HPSE2: variants seen among roughly 807,000 people sequenced by gnomAD.
HPSE2 encodes the protein inactive heparanase-2.
HPSE2 carries 38 observed loss-of-function variants against 60.5 expected under a neutral mutation model. The ratio of observed to expected loss-of-function variants is 0.63; its 90% CI spans 0.48 to 0.82. HPSE2 has a LOEUF of 0.82. HPSE2 is among the 40% of genes least tolerant of loss of function. HPSE2 has a pLI of 0.00. For missense variants in HPSE2, 713 were observed against 740.4 expected (o/e 0.96, Z 0.43); for synonymous variants, 295 against 293.2 (o/e 1.01, Z -0.06).
chr10:99,288,365 C>A, the HPSE2 span, among the ~76,000 whole-genome samples: 1 of 152,158 alleles, frequency 6.6e-6, no homozygotes, highest in Non-Finnish European at 1.5e-5. Context: ...GTACATGATA[C>A]AAAAGACTTC....
At chr10:99,207,593 A>T (rs1444989971) in intron 2 of HPSE2, among the ~76,000 whole-genome samples, 1 of 152,196 alleles carries the variant, frequency 6.6e-6, no homozygotes, top group African/African-American at 2.4e-5. Context: ...TAATAAAGGA[A>T]CCTTAACAAT....
At chr10:98,842,404 C>T (rs964374568) in intron 3 of HPSE2, among the ~76,000 whole-genome samples, 12 of 152,142 alleles carry the variant, frequency 7.9e-5, no homozygotes, top group African/African-American at 2.9e-4. Flanking sequence ...GGGGCAGCAT[C>T]CAGTTGGTTG....
In HPSE2 at chr10:98,601,185, T is replaced by C. The variant is rs150799516; in HGVS notation, c.1320+13719A>G. ...TTCTCTATCAAGGTCTTCAACTGAT[T>C]GGATGAAGCCCATCCACATTATGGA... On this transcript the variant is annotated intron_variant, in intron 9 of 11. Coordinates refer to ENST00000370552, the MANE Select transcript of HPSE2 (RefSeq NM_021828.5). Among the ~76,000 whole-genome samples the C allele has an allele frequency of 2.4e-3, 372 of 152,104 alleles. 1 individual carries two copies. The highest frequency in any genetic ancestry group is 8.6e-3 in the African/African-American group (358 of 41,510).
chr10:98,955,733 A>G (rs1277251188), intron 3 of HPSE2, among the ~76,000 whole-genome samples: 3 of 152,204 alleles, frequency 2.0e-5, no homozygotes, highest in Non-Finnish European at 4.4e-5. Flanking sequence ...TAGACTGCAT[A>G]AAGAAAATGT....
intron 3 of HPSE2, among the ~76,000 whole-genome samples, chr10:98,907,973 G>C (rs1320562858): frequency 6.6e-6 from 1 of 152,070 alleles, no homozygotes; most frequent in African/African-American, 2.4e-5. Flanking sequence ...TGAATAAAAA[G>C]TTACCCTAAA....
At chr10:99,122,301 G>A (rs1844984688) in intron 3 of HPSE2, among the ~76,000 whole-genome samples, 1 of 151,958 alleles carries the variant, frequency 6.6e-6, no homozygotes, top group South Asian at 2.1e-4. Context: ...TTTAAATCAT[G>A]TGAAAAGCAG....
rs1953942247 is a variant in HPSE2, at chr10:98,910,211, T to C, written c.611-166155A>G. ...AGACTGACAGTTGTGAGGGAGGGGC[T>C]AGTACTTCTGGTGCCCAGGGTGGAG... On this transcript the variant is annotated intron_variant, in intron 3 of 11. Coordinates refer to ENST00000370552, the MANE Select transcript of HPSE2 (RefSeq NM_021828.5). Among the ~76,000 whole-genome samples the C allele has an allele frequency of 2.0e-5, 3 of 152,272 alleles. No individual in the cohort carries two copies. The South Asian group carries it at 6.2e-4, about 32-fold the overall frequency.
chr10:99,083,204 GC>G lies in HPSE2; in HGVS notation c.610+61033del, dbSNP rs540736722. ...CCATTGAGAATGGGACAAAGGAACA[GC>G]CTTACATTACTAGCAGGAGGTCTTT... On this transcript the variant is annotated intron_variant, in intron 3 of 11. Coordinates refer to ENST00000370552, the MANE Select transcript of HPSE2 (RefSeq NM_021828.5). Among the ~76,000 whole-genome samples, 253 of 152,308 alleles carry G rather than the reference GC, an allele frequency of 1.7e-3. 1 individual carries two copies. Among genetic ancestry groups the G allele is most frequent in the Non-Finnish European group, 3.2e-3 (221 of 68,032 alleles).
At chr10:99,061,021 A>T (rs1053346115) in intron 3 of HPSE2, among the ~76,000 whole-genome samples, 6 of 152,174 alleles carry the variant, frequency 3.9e-5, no homozygotes, top group Non-Finnish European at 7.3e-5. Context: ...AAAAAAGTTT[A>T]AGCTCACAGG....
At chr10:99,109,708 C>T (rs545487029) in intron 3 of HPSE2, among the ~76,000 whole-genome samples, 1 of 152,284 alleles carries the variant, frequency 6.6e-6, no homozygotes, top group East Asian at 1.9e-4. Context: ...TTCCATTCTC[C>T]TCTTCTACAA....
At chr10:98,920,428 G>C (rs918162643) in intron 3 of HPSE2, among the ~76,000 whole-genome samples, 2 of 152,068 alleles carry the variant, frequency 1.3e-5, no homozygotes, top group African/African-American at 4.8e-5. Flanking sequence ...CTGCATCTTG[G>C]TGTCTGCTCC....
At chr10:99,278,791 TAA>T in the HPSE2 span, among the ~76,000 whole-genome samples, 1 of 152,192 alleles carries the variant, frequency 6.6e-6, no homozygotes, top group East Asian at 1.9e-4. Flanking sequence ...AGCCACTTCA[TAA>T]ACTTATTGAA....
chr10:98,616,104 T>C (rs972599154), intron 8 of HPSE2, among the ~76,000 whole-genome samples: 2 of 152,200 alleles, frequency 1.3e-5, no homozygotes, highest in Non-Finnish European at 2.9e-5. Flanking sequence ...CTACCCCTTT[T>C]CATCTGGCAG....
chr10:98,739,912 C>G (rs757452793), intron 4 of HPSE2, among the ~76,000 whole-genome samples: 9 of 152,030 alleles, frequency 5.9e-5, no homozygotes, highest in Non-Finnish European at 1.0e-4. Context: ...AACACCATTT[C>G]CCTGAAATGG....
intron 3 of HPSE2, among the ~76,000 whole-genome samples, chr10:98,943,002 G>T (rs1955060129): frequency 6.8e-6 from 1 of 147,236 alleles, no homozygotes; most frequent in East Asian, 2.0e-4. Flanking sequence ...AACGCTGCAT[G>T]TTCTCACTCA....
At chr10:99,128,386 C>T (rs1845246970) in intron 3 of HPSE2, among the ~76,000 whole-genome samples, 1 of 152,114 alleles carries the variant, frequency 6.6e-6, no homozygotes, top group South Asian at 2.1e-4. Context: ...TGCATATGTT[C>T]ATTCCAGCAC....
intron 2 of HPSE2, among the ~76,000 whole-genome samples, chr10:99,184,498 C>A (rs1847895027): frequency 1.8e-5 from 2 of 112,738 alleles, no homozygotes; most frequent in Non-Finnish European, 3.4e-5. Flanking sequence ...GCACTCCAGC[C>A]TGGGCAACAG....
intron 3 of HPSE2, among the ~76,000 whole-genome samples, chr10:99,113,094 T>C (rs1192597842): frequency 6.6e-6 from 1 of 152,202 alleles, no homozygotes; most frequent in East Asian, 1.9e-4. Flanking sequence ...TTTATGGAAG[T>C]TTTTGTAAAG....
chr10:98,538,612 G>T (rs1412219945), intron 9 of HPSE2, among the ~76,000 whole-genome samples: 1 of 151,946 alleles, frequency 6.6e-6, no homozygotes, highest in Non-Finnish European at 1.5e-5. Context: ...TGATAAATGG[G>T]ACCTACTCCT....
Sources: allele counts gnomAD v4.1 joint callset (sites outside exome capture counted in the v4.1 genomes callset), GRCh38; gene constraint gnomAD v4.1.1; transcripts MANE v1.5; gene names NCBI Gene and HGNC (gene_info 2026-07-23, HGNC 2026-07-21).